TMEM114: variants seen among roughly 807,000 people sequenced by gnomAD.
TMEM114 encodes the protein transmembrane protein 114.
A neutral mutation model predicts 6.2 loss-of-function variants in TMEM114; 6 were observed. That is an observed-to-expected ratio of 0.97 (90% CI 0.53 to 1.91). TMEM114 has a LOEUF of 1.91. Among genes scored for constraint, TMEM114 ranks in the 40% most tolerant of loss-of-function variants. The pLI is 0.01. For missense variants in TMEM114, 218 were observed against 158.3 expected (o/e 1.38, Z -2.02); for synonymous variants, 104 against 73.0 (o/e 1.42, Z -2.16).
intron 2 of TMEM114, among the ~76,000 whole-genome samples, chr16:8,585,757 G>A (rs373241555): frequency 2.0e-5 from 3 of 152,130 alleles, no homozygotes; most frequent in Admixed American, 6.6e-5. Context: ...CACTTCCGGA[G>A]GCCAGACACC....
chr16:8,568,681 C>G (rs77890495), downstream of TMEM114, among the ~76,000 whole-genome samples: 3,441 of 152,318 alleles, frequency 0.023, 164 homozygotes, highest in African/African-American at 0.08. Flanking sequence ...CCAGAGTTTC[C>G]TAAGCCAAAG....
chr16:8,528,293 C>A, the TMEM114 span, among the ~76,000 whole-genome samples: 1 of 152,108 alleles, frequency 6.6e-6, no homozygotes, highest in Admixed American at 6.5e-5. Flanking sequence ...TGAAGGAATT[C>A]ATAAGTTCTG....
chr16:8,583,243 A>T lies in TMEM114; in HGVS notation c.301+5970T>A, dbSNP rs568533295. ...GGGATGAAATCAATATGTACTGAGCAAATAAGTGCATCTGGTGGGTCTGCG... is the reference window on the plus strand; with the variant it reads ...GGGATGAAATCAATATGTACTGAGCTAATAAGTGCATCTGGTGGGTCTGCG... On this transcript the variant is annotated intron_variant, in intron 2 of 3. Transcript: ENST00000620492. Among the ~76,000 whole-genome samples the T allele has an allele frequency of 4.7e-4, 71 of 152,332 alleles. 1 individual carries two copies. Among genetic ancestry groups the T allele is most frequent in the African/African-American group, 1.7e-3 (70 of 41,564 alleles).
At chr16:8,559,453 C>T (rs956059419) in intron 2 of TMEM114, among the ~76,000 whole-genome samples, 3 of 152,178 alleles carry the variant, frequency 2.0e-5, no homozygotes, top group Non-Finnish European at 4.4e-5. Flanking sequence ...GGTGAATCCT[C>T]GGCCCGCCAT....
intron 2 of TMEM114, among the ~76,000 whole-genome samples, chr16:8,560,265 T>A (rs1422605188): frequency 1.3e-5 from 2 of 152,010 alleles, no homozygotes; most frequent in Non-Finnish European, 2.9e-5. Flanking sequence ...TCTAAATTGT[T>A]GGGATTACAG....
Position 8,542,141 on chromosome 16 carries a change from G to GT in TMEM114, n.213-4316dup, listed in dbSNP as rs1055102354. The stretch of plus-strand genomic sequence containing the variant: ...CTGGTTGAGATGTTGAGGATGATTC[G>GT]TGGGGGGGGGTCCCTTGACCAAGGA... On this transcript the variant is annotated intron_variant and non_coding_transcript_variant, in intron 2 of 2. Coordinates refer to the TMEM114 transcript ENST00000623677. 1.2e-3 allele frequency among the ~76,000 whole-genome samples: 150 copies of GT among 123,030 alleles called. 2 individuals are homozygous for GT. Among genetic ancestry groups the GT allele is most frequent in the African/African-American group, 4.5e-3 (142 of 31,686 alleles). The allele number at this position is 123,030 out of a possible 152,430, so 80.7% of individuals were successfully genotyped here.
intron 2 of TMEM114, among the ~76,000 whole-genome samples, chr16:8,560,075 C>T (rs145093098): frequency 0.015 from 2,291 of 152,298 alleles, 48 homozygotes; most frequent in African/African-American, 0.052. Context: ...CAGCTCACTG[C>T]AGCCTCGACC....
At chr16:8,567,937 G>A (rs939579158), downstream of TMEM114, among the ~76,000 whole-genome samples, 13 of 152,166 alleles carry the variant, frequency 8.5e-5, no homozygotes. Flanking sequence ...GTGGCCATGT[G>A]AGTAACCCAC....
intron 2 of TMEM114, among the ~76,000 whole-genome samples, chr16:8,583,313 G>A (rs1447709094): frequency 6.6e-6 from 1 of 152,210 alleles, no homozygotes; most frequent in Non-Finnish European, 1.5e-5. Flanking sequence ...GGCTCAGGAA[G>A]GCAATGTGAA....
At chr16:8,554,513 A>G (rs573106400) in intron 2 of TMEM114, among the ~76,000 whole-genome samples, 8 of 152,280 alleles carry the variant, frequency 5.3e-5, no homozygotes, top group African/African-American at 1.9e-4. Flanking sequence ...TTGGAATCAT[A>G]CGTGTGACAC....
intron 2 of TMEM114, among the ~76,000 whole-genome samples, chr16:8,563,237 GTGAATGAGTCAGTGAGTGAA>G (rs1191893242): frequency 2.6e-5 from 4 of 151,916 alleles, no homozygotes; most frequent in East Asian, 3.9e-4. Flanking sequence ...GAATGAGTGA[GTGAATGAGTCAGTGAGTGAA>G]TGAATGAGTC....
intron 2 of TMEM114, among the ~76,000 whole-genome samples, chr16:8,560,164 T>A (rs1901153602): frequency 6.7e-6 from 1 of 149,846 alleles, no homozygotes; most frequent in Admixed American, 6.7e-5. Context: ...GGCTATTTTT[T>A]ATTATTTTTT....
chr16:8,550,880 G>C (rs931771894), intron 2 of TMEM114, among the ~76,000 whole-genome samples: 4 of 152,122 alleles, frequency 2.6e-5, no homozygotes, highest in South Asian at 2.1e-4. Flanking sequence ...AACATCCACT[G>C]CTCTCCTCCT....
At chr16:8,532,514 G>A in the TMEM114 span, among the ~76,000 whole-genome samples, 1 of 152,046 alleles carries the variant, frequency 6.6e-6, no homozygotes, top group Non-Finnish European at 1.5e-5. Context: ...AAAGGTGAAA[G>A]GCCAAACACC....
chr16:8,570,139 C>T (rs1901683872), intron 3 of TMEM114, 134 bp from the exon 4 acceptor site: 1 of 1,231,488 alleles, frequency 8.1e-7, no homozygotes, highest in African/African-American at 1.5e-5. Context: ...GACCTTTGCG[C>T]GTGCTAGTCT....
chr16:8,570,076 C>G (rs1204278768), intron 3 of TMEM114, 71 bp from the exon 4 acceptor site: 5 of 1,492,708 alleles, frequency 3.3e-6, no homozygotes, highest in Non-Finnish European at 4.5e-6. Context: ...TCCTCCTCGC[C>G]CTGCCCAGCC....
At chr16:8,572,507 C>T (rs1285885851) in intron 2 of TMEM114, among the ~76,000 whole-genome samples, 2 of 152,214 alleles carry the variant, frequency 1.3e-5, no homozygotes. Flanking sequence ...ACGACCATGG[C>T]TCACTGCAGC....
chr16:8,562,720 G>A (rs370401946), intron 2 of TMEM114, among the ~76,000 whole-genome samples: 16 of 151,794 alleles, frequency 1.1e-4, no homozygotes, highest in African/African-American at 3.6e-4. Context: ...GAGTGAGTGA[G>A]GGAGGGAGGG....
downstream of TMEM114, chr16:8,569,356 A>C: frequency 7.6e-6 from 5 of 655,786 alleles, no homozygotes; most frequent in Non-Finnish European, 9.6e-6. Flanking sequence ...CTCCCCAGAG[A>C]GAGCTGAACG....
Sources: gnomAD v4.1 joint callset for allele counts (sites outside exome capture counted in the v4.1 genomes callset) on GRCh38, gnomAD v4.1.1 for gene constraint, MANE v1.5 for transcripts, NCBI Gene and HGNC (gene_info 2026-07-23, HGNC 2026-07-21) for gene names.